The following TXNDC8 variants were observed in gnomAD, a reference collection of about 807,000 sequenced individuals.
TXNDC8 encodes thioredoxin domain containing 8.
TXNDC8 carries 15 observed loss-of-function variants against 12.9 expected under a neutral mutation model. The ratio of observed to expected loss-of-function variants is 1.16; its 90% CI spans 0.78 to 1.79. TXNDC8 has a LOEUF of 1.79. Among genes scored for constraint, TXNDC8 ranks in the 40% most tolerant of loss-of-function variants. TXNDC8 has a pLI of 0.00. For missense variants in TXNDC8, 128 were observed against 113.2 expected (o/e 1.13, Z -0.59); for synonymous variants, 40 against 35.4 (o/e 1.13, Z -0.46).
intron 3 of TXNDC8, among the ~76,000 whole-genome samples, chr9:110,305,275 A>C (rs61427497): frequency 0.037 from 5,610 of 152,230 alleles, 329 homozygotes; most frequent in African/African-American, 0.13. Context: ...TCTTCCACTC[A>C]ACATGATGTT....
intron 3 of TXNDC8, among the ~76,000 whole-genome samples, chr9:110,307,120 A>C (rs1838500180): frequency 6.8e-6 from 1 of 147,786 alleles, no homozygotes; most frequent in Non-Finnish European, 1.5e-5. Flanking sequence ...TTTTTTTTTA[A>C]TTTTTAAATT....
At chr9:110,308,258 T>C (rs1470797951) in intron 3 of TXNDC8, among the ~76,000 whole-genome samples, 1 of 152,234 alleles carries the variant, frequency 6.6e-6, no homozygotes, top group Admixed American at 6.5e-5. Context: ...CAAGATTTCC[T>C]GCTTTCATGA....
In TXNDC8 at chr9:110,315,659, A is replaced by G. The variant is rs10980321; in HGVS notation, c.195+10516T>C. Among the ~76,000 whole-genome samples the G allele has an allele frequency of 4.5e-3, 680 of 151,436 alleles. 29 individuals carry two copies. The East Asian group carries it at 0.096, about 21-fold the overall frequency. On this transcript the variant is annotated intron_variant, in intron 3 of 4. Transcript: ENST00000423740. ...GTAGCTGGGACTACAGAATCCTGCT[A>G]CTATGCCTGGCTAATTTTTGTATTT...
chr9:110,335,571 T>G (rs1839718084), intron 1 of TXNDC8, among the ~76,000 whole-genome samples: 1 of 152,206 alleles, frequency 6.6e-6, no homozygotes, highest in Non-Finnish European at 1.5e-5. Flanking sequence ...ATTATCTCCA[T>G]TTTACAAATG....
At chr9:110,315,487 C>A (rs966038159) in intron 3 of TXNDC8, among the ~76,000 whole-genome samples, 20 of 152,144 alleles carry the variant, frequency 1.3e-4, no homozygotes, top group African/African-American at 4.1e-4. Flanking sequence ...CTGGAGACAG[C>A]GGTCCCCTCC....
intron 3 of TXNDC8, among the ~76,000 whole-genome samples, chr9:110,317,272 G>A (rs1431459298): frequency 6.6e-6 from 1 of 152,122 alleles, no homozygotes; most frequent in African/African-American, 2.4e-5. Context: ...CCCTTCAATG[G>A]CTCATATACT....
chr9:110,326,998 T>C (rs1286557924), intron 2 of TXNDC8, among the ~76,000 whole-genome samples: 1 of 147,980 alleles, frequency 6.8e-6, no homozygotes, highest in Non-Finnish European at 1.5e-5. Context: ...TGTATTATAA[T>C]TTTTCATGAC....
intron 3 of TXNDC8, among the ~76,000 whole-genome samples, chr9:110,325,253 A>G (rs962945743): frequency 1.3e-5 from 2 of 152,174 alleles, no homozygotes; most frequent in African/African-American, 4.8e-5. Flanking sequence ...GGGTCTAAAC[A>G]CCTGAGTCAT....
At chr9:110,332,291 A>G (rs1040568897) in intron 2 of TXNDC8, among the ~76,000 whole-genome samples, 8 of 152,198 alleles carry the variant, frequency 5.3e-5, no homozygotes, top group Non-Finnish European at 1.5e-5. Context: ...CCTGGCCCCA[A>G]GCAATCCTCC....
intron 3 of TXNDC8, among the ~76,000 whole-genome samples, chr9:110,307,933 C>G (rs1415676530): frequency 6.6e-6 from 1 of 152,252 alleles, no homozygotes; most frequent in Non-Finnish European, 1.5e-5. Flanking sequence ...GGCTGTGTCA[C>G]AGGCACATGT....
intron 3 of TXNDC8, among the ~76,000 whole-genome samples, chr9:110,315,228 G>T (rs958721462): frequency 7.2e-5 from 11 of 152,060 alleles, no homozygotes; most frequent in Non-Finnish European, 1.5e-4. Flanking sequence ...CTCCCGAGTA[G>T]CTGGGATTAC....
chr9:110,302,770 A>C (rs1838293866), downstream of TXNDC8, among the ~76,000 whole-genome samples: 1 of 152,080 alleles, frequency 6.6e-6, no homozygotes, highest in South Asian at 2.1e-4. Flanking sequence ...CACAGTTCAA[A>C]CATAAAATGA....
intron 3 of TXNDC8, among the ~76,000 whole-genome samples, chr9:110,306,968 G>T (rs1587950117): frequency 6.6e-6 from 1 of 151,822 alleles, no homozygotes; most frequent in East Asian, 1.9e-4. Context: ...TAGAGATGAG[G>T]TCTCGCTCTG....
In TXNDC8 at chr9:110,325,741, T is replaced by A. The variant is rs2900507; in HGVS notation, c.195+434A>T. Among the ~76,000 whole-genome samples, 113 of 152,128 alleles carry A rather than the reference T, an allele frequency of 7.4e-4. 1 individual carries two copies. The highest frequency in any genetic ancestry group is 2.5e-3 in the African/African-American group (105 of 41,482). ...TCACTGTGTTAGCCAGGATGGTCTC[T>A]ATCTCGTGACCTTGTGATCTGCCCG... On this transcript the variant is annotated intron_variant, in intron 3 of 4. Transcript: ENST00000423740.
At chr9:110,302,443 A>C (rs1224089572), downstream of TXNDC8, among the ~76,000 whole-genome samples, 1 of 152,134 alleles carries the variant, frequency 6.6e-6, no homozygotes, top group Admixed American at 6.6e-5. Context: ...GCCTACTCCA[A>C]AGAATTCTAA....
At chr9:110,305,855 CTTTTTCTTTTCTTTT>C (rs1564093294) in intron 3 of TXNDC8, among the ~76,000 whole-genome samples, 1 of 103,528 alleles carries the variant, frequency 9.7e-6, no homozygotes, top group Non-Finnish European at 2.1e-5. Flanking sequence ...TCTTTTCTTT[CTTTTTCTTTTCTTTT>C]CTTTTCTTTT....
intron 3 of TXNDC8, among the ~76,000 whole-genome samples, chr9:110,306,132 G>T (rs540358912): frequency 9.2e-5 from 14 of 152,278 alleles, no homozygotes; most frequent in African/African-American, 3.4e-4. Context: ...CTCCCAAGGT[G>T]CTGGGATTAC....
Position 110,337,692 on chromosome 9 carries a change from G to C in TXNDC8, c.24+81C>G, listed in dbSNP as rs1588000695. On this transcript the variant is annotated intron_variant, in intron 1 of 4. Coordinates refer to ENST00000423740, the MANE Select transcript of TXNDC8 (RefSeq NM_001286946.2). ...GCAATGATAGAATACTGGATAGAGA[G>C]AACACATTCTTAAAGTTTTTCAAAT... The C allele has an allele frequency of 1.3e-5, 17 of 1,318,760 alleles. No individual in the cohort carries two copies. In the East Asian group the frequency reaches 3.9e-4, roughly 31 times the overall value. The allele number at this position is 1,318,760 out of a possible 1,614,324, so 81.7% of individuals were successfully genotyped here. A position where few individuals can be genotyped will look rare whatever the true frequency, so the allele number is the denominator to read the frequency against.
At chr9:110,327,325 T>C (rs1413323962) in intron 2 of TXNDC8, among the ~76,000 whole-genome samples, 11 of 114,170 alleles carry the variant, frequency 9.6e-5, no homozygotes, top group African/African-American at 2.3e-4. Context: ...TTATACTATA[T>C]ATTTTTTTTT....
Sources: gnomAD v4.1 joint callset for allele counts (sites outside exome capture counted in the v4.1 genomes callset) on GRCh38, gnomAD v4.1.1 for gene constraint, MANE v1.5 for transcripts, NCBI Gene and HGNC (gene_info 2026-07-23, HGNC 2026-07-21) for gene names.